The following DLG2 variants were observed in gnomAD, a reference collection of about 807,000 sequenced individuals.
DLG2 encodes the protein disks large homolog 2.
Under a neutral mutation model 132.5 loss-of-function variants are expected in DLG2, and 45 were observed. That is an observed-to-expected ratio of 0.34 (90% CI 0.27 to 0.44). DLG2 has a LOEUF of 0.44. Among genes scored for constraint, DLG2 ranks in the 20% least tolerant of loss-of-function variants. DLG2 has a pLI of 1.00. For missense variants in DLG2, 1,045 were observed against 1,196.9 expected (o/e 0.87, Z 1.87); for synonymous variants, 424 against 419.6 (o/e 1.01, Z -0.13).
intron 7 of DLG2, among the ~76,000 whole-genome samples, chr11:84,303,758 A>G (rs1306004121): frequency 6.6e-6 from 1 of 152,188 alleles, no homozygotes; most frequent in Admixed American, 6.5e-5. Context: ...AAATAAACAA[A>G]GGAAACAAAA....
chr11:84,980,462 C>T (rs1288279305), intron 6 of DLG2, among the ~76,000 whole-genome samples: 1 of 152,058 alleles, frequency 6.6e-6, no homozygotes, highest in Non-Finnish European at 1.5e-5. Context: ...AACACTGTAT[C>T]CTAAAAAGGC....
chr11:85,030,048 T>A (rs1056901627), intron 6 of DLG2, among the ~76,000 whole-genome samples: 27 of 152,236 alleles, frequency 1.8e-4, no homozygotes, highest in African/African-American at 6.5e-4. Context: ...TCCATAAATC[T>A]TCTTCCACCA....
At chr11:83,831,784 T>C (rs937802008) in intron 17 of DLG2, among the ~76,000 whole-genome samples, 1 of 152,148 alleles carries the variant, frequency 6.6e-6, no homozygotes, top group African/African-American at 2.4e-5. Flanking sequence ...ATTTTCATGA[T>C]TAGTAAAATT....
At chr11:85,617,302 T>C (rs1356125829) in intron 2 of DLG2, among the ~76,000 whole-genome samples, 1 of 152,210 alleles carries the variant, frequency 6.6e-6, no homozygotes, top group African/African-American at 2.4e-5. Context: ...AAATAAATAA[T>C]GATCTGAAAC....
chr11:83,865,179 C>T (rs150214894), intron 16 of DLG2, among the ~76,000 whole-genome samples: 58 of 152,206 alleles, frequency 3.8e-4, no homozygotes, highest in African/African-American at 1.3e-3. Context: ...GACTAAAAGA[C>T]GTGATTGGAA....
chr11:83,740,930 A>G (rs1348934129), intron 18 of DLG2, among the ~76,000 whole-genome samples: 2 of 152,216 alleles, frequency 1.3e-5, no homozygotes, highest in Admixed American at 1.3e-4. Context: ...AATCAAATCT[A>G]GCAGAACATC....
intron 18 of DLG2, among the ~76,000 whole-genome samples, chr11:83,648,433 T>C (rs1181208344): frequency 2.0e-5 from 3 of 152,088 alleles, no homozygotes; most frequent in Non-Finnish European, 4.4e-5. Flanking sequence ...TTTCAATCAA[T>C]AGAAAGTGCA....
intron 6 of DLG2, among the ~76,000 whole-genome samples, chr11:84,951,944 A>T (rs1354968609): frequency 6.6e-6 from 1 of 152,172 alleles, no homozygotes; most frequent in East Asian, 1.9e-4. Flanking sequence ...AAAATGCTTG[A>T]CTTACTGGGA....
intron 3 of DLG2, among the ~76,000 whole-genome samples, chr11:85,288,683 G>C (rs764666812): frequency 6.6e-6 from 1 of 151,536 alleles, no homozygotes; most frequent in Non-Finnish European, 1.5e-5. Context: ...TAAAAATAAA[G>C]GGAAAAGAAA....
chr11:83,564,840 T>C (rs1026563984), intron 19 of DLG2, among the ~76,000 whole-genome samples: 4 of 134,088 alleles, frequency 3.0e-5, no homozygotes, highest in Non-Finnish European at 6.3e-5. Context: ...CAAACAAACA[T>C]AAGAAGAATT....
intron 16 of DLG2, among the ~76,000 whole-genome samples, chr11:83,867,001 T>C (rs1435779075): frequency 1.3e-5 from 2 of 152,162 alleles, no homozygotes; most frequent in African/African-American, 4.8e-5. Flanking sequence ...TCAAGGTGAG[T>C]GGAATCATTA....
rs749758206 is a variant in DLG2 at position 84,788,326 on chromosome 11, A to T, written c.358-253595T>A. Among the ~76,000 whole-genome samples the T allele has an allele frequency of 8.9e-4, 135 of 152,172 alleles. 2 individuals are homozygous for T. Among genetic ancestry groups the T allele is most frequent in the Non-Finnish European group, 1.6e-3 (109 of 67,992 alleles). On this transcript the variant is annotated intron_variant, in intron 6 of 27. Transcript: ENST00000376104. The stretch of plus-strand genomic sequence containing the variant: ...GTAAGTACTACGACCTATATTCAAC[A>T]TGAGGCACATTACTTGGAACACAAC...
rs1437107427 is a variant in DLG2, at chr11:83,724,858, C to T, written c.1825+61832G>A. 4.3e-6 allele frequency: 3 copies of T among 702,508 alleles called. No homozygotes were observed. The South Asian group carries it at 4.4e-5, about 10-fold the overall frequency. The allele number at this position is 702,508 out of a possible 1,614,324, so 43.5% of individuals were successfully genotyped here. ...GAGAAAAGCAGCATGATTCTCACCA[C>T]AGCTCTTTAGCAAGTTTCCAGGGGT... On this transcript the variant is annotated intron_variant, in intron 18 of 27. Coordinates refer to ENST00000376104, the MANE Select transcript of DLG2 (RefSeq NM_001142699.3).
At chr11:84,902,051 A>G (rs1266778551) in intron 6 of DLG2, among the ~76,000 whole-genome samples, 1 of 152,162 alleles carries the variant, frequency 6.6e-6, no homozygotes, top group Non-Finnish European at 1.5e-5. Flanking sequence ...ACAAATTCAA[A>G]AAAAACTATG....
At chr11:83,524,939 A>G (rs1481552326) in intron 21 of DLG2, among the ~76,000 whole-genome samples, 1 of 152,222 alleles carries the variant, frequency 6.6e-6, no homozygotes, top group Admixed American at 6.5e-5. Flanking sequence ...TTCAGTTATA[A>G]ATTATAATAC....
Position 83,694,869 on chromosome 11 carries a change from T to C in DLG2, c.1826-61544A>G, listed in dbSNP as rs2081606471. ...GCACAAGTTCTTTTCACCGAATAGG[T>C]AACCACACTGACTTCTTTCAGTAAA... On this transcript the variant is annotated intron_variant, in intron 18 of 27. Coordinates refer to ENST00000376104, the MANE Select transcript of DLG2 (RefSeq NM_001142699.3). 3.9e-5 allele frequency among the ~76,000 whole-genome samples: 6 copies of C among 152,296 alleles called. No individual in the cohort carries two copies. In the South Asian group the frequency reaches 1.2e-3, roughly 32 times the overall value.
intron 15 of DLG2, among the ~76,000 whole-genome samples, chr11:83,883,416 C>A (rs941777071): frequency 1.3e-5 from 2 of 152,086 alleles, no homozygotes; most frequent in South Asian, 4.1e-4. Flanking sequence ...TCCATACTTT[C>A]CATGCTGGAT....
intron 3 of DLG2, among the ~76,000 whole-genome samples, chr11:85,288,914 T>A (rs2078723917): frequency 1.3e-5 from 2 of 152,130 alleles, no homozygotes; most frequent in Admixed American, 1.3e-4. Context: ...TTTATCATAC[T>A]CACGCTATGC....
intron 3 of DLG2, among the ~76,000 whole-genome samples, chr11:85,418,459 T>A (rs1219788405): frequency 6.6e-6 from 1 of 152,118 alleles, no homozygotes; most frequent in East Asian, 1.9e-4. Flanking sequence ...CTATTAGGTC[T>A]GCTTGGTCCA....
Sources: gnomAD v4.1 joint callset for allele counts (sites outside exome capture counted in the v4.1 genomes callset) on GRCh38, gnomAD v4.1.1 for gene constraint, MANE v1.5 for transcripts, NCBI Gene and HGNC (gene_info 2026-07-23, HGNC 2026-07-21) for gene names.